The following HLTF variants were observed in gnomAD, a reference collection of about 807,000 sequenced individuals.
HLTF encodes the protein helicase like transcription factor.
In HLTF, 127 loss-of-function variants were observed where a neutral mutation model predicts 129.4. That is an observed-to-expected ratio of 0.98 (90% confidence interval 0.85 to 1.14). HLTF has a LOEUF of 1.14. Among genes scored for constraint, HLTF ranks in the 50% most tolerant of loss-of-function variants. The probability of loss-of-function intolerance (pLI) is 0.00; values close to 1 mark genes in which losing one functional copy is unlikely to be tolerated. For missense variants in HLTF, 1,139 were observed against 1,187.1 expected (o/e 0.96, Z 0.60); for synonymous variants, 332 against 388.8 (o/e 0.85, Z 1.72).
Position 149,048,891 on chromosome 3 carries a change from TAAGTC to T in HLTF, c.1723_1727del (p.Asp575ArgfsTer30), listed in dbSNP as rs778091493. ...TCAAAACCCATCTTCTTTCTGATTC[TAAGTC>T]AAGTACAGCTTTTGTCTGCTGAGCA... On this transcript the variant is annotated frameshift_variant, in exon 16 of 25. Transcript: ENST00000310053. LOFTEE classifies it high-confidence loss of function. 18 of 1,613,426 alleles carry T rather than the reference TAAGTC, an allele frequency of 1.1e-5. No homozygotes were observed. The South Asian group carries it at 1.4e-4, about 13-fold the overall frequency.
At chr3:149,063,006 G>A (rs975534090) in intron 10 of HLTF, 2 of 454,108 alleles carry the variant, frequency 4.4e-6, no homozygotes, top group Non-Finnish European at 4.4e-6. Context: ...ATAAAAGAAT[G>A]TATTTGAAAG....
At chr3:149,074,097 A>T (rs1169200389) in intron 4 of HLTF, 118 bp downstream of exon 4, 1 of 937,388 alleles carries the variant, frequency 1.1e-6, no homozygotes, top group Non-Finnish European at 1.5e-6. Context: ...CCTGAAAAAA[A>T]GTTGTACCTT....
chr3:149,071,480 C>G, intron 6 of HLTF, 37 bp from the exon 7 acceptor site: 2 of 1,542,500 alleles, frequency 1.3e-6, no homozygotes, highest in South Asian at 1.1e-5. Flanking sequence ...ATACATTAAG[C>G]CATTCCTTTT....
At chr3:149,064,196 A>T (rs990934643) in intron 9 of HLTF, among the ~76,000 whole-genome samples, 1 of 151,848 alleles carries the variant, frequency 6.6e-6, no homozygotes, top group African/African-American at 2.4e-5. Context: ...AATCAAAAAC[A>T]AAAAAAACCT....
intron 2 of HLTF, among the ~76,000 whole-genome samples, chr3:149,078,297 G>T (rs1339131652): frequency 6.6e-6 from 1 of 152,186 alleles, no homozygotes; most frequent in African/African-American, 2.4e-5. Flanking sequence ...TGTAATCCCA[G>T]CACTTTAGGA....
intron 18 of HLTF, among the ~76,000 whole-genome samples, chr3:149,044,152 A>G (rs977378797): frequency 6.6e-6 from 1 of 152,104 alleles, no homozygotes; most frequent in Non-Finnish European, 1.5e-5. Flanking sequence ...CACTTATAAG[A>G]TGTGGATAAT....
chr3:149,071,916 G>T (rs1414745843), intron 5 of HLTF, among the ~76,000 whole-genome samples: 1 of 152,056 alleles, frequency 6.6e-6, no homozygotes, highest in African/African-American at 2.4e-5. Flanking sequence ...AGCCAGGCAT[G>T]GGGGTGCATG....
At chr3:149,032,461 T>C in intron 24 of HLTF, 89 bp from the exon 25 acceptor site, 1 of 788,980 alleles carries the variant, frequency 1.3e-6, no homozygotes, top group Non-Finnish European at 1.9e-6. Flanking sequence ...ATTTGCCTAA[T>C]GGCAAAAACC....
rs763700041 is a variant in HLTF at position 149,039,144 on chromosome 3, C to T, written c.2701G>A (p.Glu901Lys). Residue 901 changes from glutamate (E) to lysine (K), a missense_variant, in exon 23 of 25, where the codon GAA becomes AAA. Glu to Lys is a moderately conservative substitution (Grantham distance 56). Transcript: ENST00000310053. Reference protein sequence around the residue: ...VESIQCFQNTEAGSPTIMLLS... With the variant: ...VESIQCFQNTKAGSPTIMLLS... Reference sequence around the variant, plus strand: ...AGCATTATAGTTGGAGATCCTGCTTCAGTGTTTTGAAAACACTGAATTGAT... The same window carrying T: ...AGCATTATAGTTGGAGATCCTGCTTTAGTGTTTTGAAAACACTGAATTGAT... The T allele has an allele frequency of 1.2e-6, 2 of 1,612,622 alleles. No homozygotes were observed. The highest frequency in any genetic ancestry group is 2.2e-5 in the South Asian group (2 of 90,794).
Position 149,071,780 on chromosome 3 carries a change from C to T in HLTF, c.628-123G>A, listed in dbSNP as rs932964970. ...ATGTCAAACGGGCCAGGAGTGGTGG[C>T]TCATGCCAATAATCTCAGCACTTTG... On this transcript the variant is annotated intron_variant, in intron 5 of 24. Transcript: ENST00000310053. The T allele has an allele frequency of 7.5e-6, 5 of 668,298 alleles. No homozygotes were observed. In the African/African-American group the frequency reaches 9.1e-5, roughly 12 times the overall value. The allele number at this position is 668,298 out of a possible 1,614,324, so 41.4% of individuals were successfully genotyped here.
At chr3:149,074,076 T>C in intron 4 of HLTF, 139 bp downstream of exon 4, 1 of 702,122 alleles carries the variant, frequency 1.4e-6, no homozygotes, top group Non-Finnish European at 2.2e-6. Context: ...AGAGATTTCC[T>C]CAAAAAGACT....
intron 20 of HLTF, 65 bp downstream of exon 20, chr3:149,041,425 T>C: frequency 9.7e-7 from 1 of 1,027,854 alleles, no homozygotes; most frequent in East Asian, 2.7e-5. Context: ...TACTATCTTT[T>C]ATTATATTAA....
chr3:149,056,969 G>C (rs1047969365), intron 13 of HLTF, among the ~76,000 whole-genome samples: 1 of 151,070 alleles, frequency 6.6e-6, no homozygotes, highest in South Asian at 2.1e-4. Context: ...ATTAGCCGGG[G>C]GAGGTGGCGG....
chr3:149,048,756 T>G (rs774738011), intron 16 of HLTF, 107 bp downstream of exon 16: 1 of 748,926 alleles, frequency 1.3e-6, no homozygotes, highest in African/African-American at 1.8e-5. Flanking sequence ...TGATTAATTT[T>G]GGGGCAGAAT....
intron 24 of HLTF, among the ~76,000 whole-genome samples, chr3:149,033,273 A>G (rs1200828510): frequency 6.6e-6 from 1 of 152,098 alleles, no homozygotes; most frequent in Admixed American, 6.6e-5. Context: ...AAATACATAT[A>G]AGATCTACAT....
chr3:149,065,514 G>A lies in HLTF; in HGVS notation c.991-648C>T, dbSNP rs191043191. 8.9e-4 allele frequency among the ~76,000 whole-genome samples: 136 copies of A among 152,214 alleles called. 1 individual carries two copies. The highest frequency in any genetic ancestry group is 4.3e-4 in the Non-Finnish European group (29 of 68,020). ...TCTTACTAAAAATGTGGTTGAAAAG[G>A]TTCATCCTCTTTAAAGGTACCAATC... On this transcript the variant is annotated intron_variant, in intron 8 of 24. Coordinates refer to ENST00000310053, the MANE Select transcript of HLTF (RefSeq NM_003071.4).
chr3:149,073,565 G>C (rs1473892378), intron 4 of HLTF, among the ~76,000 whole-genome samples: 1 of 152,068 alleles, frequency 6.6e-6, no homozygotes, highest in Non-Finnish European at 1.5e-5. Context: ...GTGATGGTGT[G>C]CGCCTGTAGT....
chr3:149,061,327 C>A (rs983788682), intron 10 of HLTF, among the ~76,000 whole-genome samples: 4 of 151,898 alleles, frequency 2.6e-5, no homozygotes, highest in Admixed American at 1.3e-4. Context: ...AGGAGAATGA[C>A]GTGAAGCCAG....
At chr3:149,061,906 T>A (rs1717989385) in intron 10 of HLTF, among the ~76,000 whole-genome samples, 1 of 149,114 alleles carries the variant, frequency 6.7e-6, no homozygotes, top group Non-Finnish European at 1.5e-5. Flanking sequence ...TCTAACACAA[T>A]GAAATAAGCA....
Sources: gnomAD v4.1 joint callset for allele counts (sites outside exome capture counted in the v4.1 genomes callset) on GRCh38, gnomAD v4.1.1 for gene constraint, MANE v1.5 for transcripts, NCBI Gene and HGNC (gene_info 2026-07-23, HGNC 2026-07-21) for gene names.